PCDHGA5: variants seen among roughly 807,000 people sequenced by gnomAD.
The protein encoded by PCDHGA5 is protocadherin gamma-A5.
Under a neutral mutation model 56.7 loss-of-function variants are expected in PCDHGA5, and 36 were observed. The ratio of observed to expected loss-of-function variants is 0.64; its 90% confidence interval spans 0.49 to 0.84. The LOEUF (loss-of-function observed/expected upper bound fraction) is 0.84, where lower values mean the gene tolerates loss of function less well. PCDHGA5 is among the 40% of genes least tolerant of loss of function. PCDHGA5 has a pLI of 0.00. For missense variants in PCDHGA5, 1,305 were observed against 1,201.5 expected, an observed-to-expected ratio of 1.09 and a Z score of -1.27; for synonymous variants, 563 against 520.2, an observed-to-expected ratio of 1.08 and a Z score of -1.12.
chr5:141,455,936 C>T (rs1194722770), intron 1 of PCDHGA5, among the ~76,000 whole-genome samples: 3 of 151,422 alleles, frequency 2.0e-5, no homozygotes, highest in East Asian at 3.9e-4. Flanking sequence ...CTCGCTCTGT[C>T]GCCCAGGCTG....
At chr5:141,433,363 CTA>C (rs2097590674) in intron 1 of PCDHGA5, 2 of 463,314 alleles carry the variant, frequency 4.3e-6, no homozygotes, top group African/African-American at 5.6e-5. Flanking sequence ...GTCTGCCTAT[CTA>C]TCTATCTATC....
At chr5:141,450,627 C>T (rs947866993) in intron 1 of PCDHGA5, among the ~76,000 whole-genome samples, 13 of 151,592 alleles carry the variant, frequency 8.6e-5, no homozygotes, top group African/African-American at 3.2e-4. Context: ...GCTGGGATTA[C>T]AGATGCCTGC....
In PCDHGA5 at chr5:141,375,395, A is replaced by T. The variant is rs571734136; in HGVS notation, c.2421+8644A>T. 1.2e-6 allele frequency: 2 copies of T among 1,613,932 alleles called. No individual in the cohort carries two copies. The highest frequency in any genetic ancestry group is 2.2e-5 in the South Asian group (2 of 91,080). ...ACCACCTCTGTCTACAGAAACAATC[A>T]TCTCTCTAAATGTGGCAGACACCAA... On this transcript the variant is annotated intron_variant, in intron 1 of 3. Coordinates refer to ENST00000518069, the MANE Select transcript of PCDHGA5 (RefSeq NM_018918.3).
chr5:141,429,572 T>C (rs1450720834), intron 1 of PCDHGA5, among the ~76,000 whole-genome samples: 1 of 152,226 alleles, frequency 6.6e-6, no homozygotes, highest in South Asian at 2.1e-4. Context: ...TTCAGTTACA[T>C]TTACTTTTGA....
At chr5:141,464,156 T>C (rs2099077051) in intron 1 of PCDHGA5, among the ~76,000 whole-genome samples, 2 of 151,752 alleles carry the variant, frequency 1.3e-5, no homozygotes, top group Non-Finnish European at 1.5e-5. Context: ...TCCCAGCTAC[T>C]TGGAAGGCTG....
chr5:141,383,162 G>T (rs1778883191), intron 1 of PCDHGA5: 1 of 1,614,006 alleles, frequency 6.2e-7, no homozygotes, highest in Non-Finnish European at 8.5e-7. Context: ...GTCACTGCGG[G>T]CAGGATAGAC....
In PCDHGA5 at chr5:141,398,897, C is replaced by A. The variant is rs761364649; in HGVS notation, c.2421+32146C>A. On this transcript the variant is annotated intron_variant, in intron 1 of 3. Coordinates refer to ENST00000518069, the MANE Select transcript of PCDHGA5 (RefSeq NM_018918.3). The stretch of plus-strand genomic sequence containing the variant: ...GTCAGCCTTCGGGAAAACGTGCCAC[C>A]AGGCACCACTGTGTTGCAAGTGTCA... 6 of 1,613,932 alleles carry A rather than the reference C, an allele frequency of 3.7e-6. No homozygotes were observed. The South Asian group carries it at 6.6e-5, about 18-fold the overall frequency.
Position 141,365,431 on chromosome 5 carries a change from G to T in PCDHGA5, c.1101G>T (p.Ala367=), listed in dbSNP as rs1297210412. 4.3e-6 allele frequency: 7 copies of T among 1,613,892 alleles called. No individual in the cohort carries two copies. The highest frequency in any genetic ancestry group is 1.3e-5 in the African/African-American group (1 of 74,914). The change falls in exon 1 of 4, where the codon GCG becomes GCT. Residue 367 remains alanine (A), a synonymous_variant. Coordinates refer to ENST00000518069, the MANE Select transcript of PCDHGA5 (RefSeq NM_018918.3). ...ACTGTCTTCCCGGAACTGTAATCGC[G>T]CTGTTTAGCGTACATGATGGTGATT... ...SEDCLPGTVI[A]LFSVHDGDSG...
intron 2 of PCDHGA5, among the ~76,000 whole-genome samples, chr5:141,502,866 C>CTCTTTTTTT (rs1554188502): frequency 7.8e-6 from 1 of 128,046 alleles, no homozygotes; most frequent in African/African-American, 3.1e-5. Context: ...GACTCTCTGT[C>CTCTTTTTTT]TTTTTTTTTT....
At chr5:141,478,838 T>C (rs1439577444) in intron 1 of PCDHGA5, 1 of 1,426,484 alleles carries the variant, frequency 7.0e-7, no homozygotes, top group Non-Finnish European at 9.2e-7. Flanking sequence ...TAAGGGATGG[T>C]TAAGCTAAAA....
At chr5:141,418,848 G>C (rs770294020) in intron 1 of PCDHGA5, 1 of 1,613,836 alleles carries the variant, frequency 6.2e-7, no homozygotes, top group Non-Finnish European at 8.5e-7. Flanking sequence ...CTCTCAACAC[G>C]GTGTAAAGTA....
intron 1 of PCDHGA5, among the ~76,000 whole-genome samples, chr5:141,465,576 C>T (rs1002696285): frequency 6.6e-6 from 1 of 152,136 alleles, no homozygotes; most frequent in Non-Finnish European, 1.5e-5. Context: ...TCTCAAAACA[C>T]TCTCATAATA....
At chr5:141,448,086 TA>T (rs558292628) in intron 1 of PCDHGA5, among the ~76,000 whole-genome samples, 67 of 146,274 alleles carry the variant, frequency 4.6e-4, no homozygotes, top group African/African-American at 8.0e-4. Context: ...AATGCCATCT[TA>T]AAAAAAAAAA....
chr5:141,388,686 GA>G, intron 1 of PCDHGA5: 1 of 1,613,980 alleles, frequency 6.2e-7, no homozygotes, highest in Non-Finnish European at 8.5e-7. Context: ...GACTGCCACG[GA>G]CCAGGATGAG....
In PCDHGA5 at chr5:141,498,823, C is replaced by A. The variant is rs540865523; in HGVS notation, c.2480+3958C>A. ...TGGTGCACACCTGTAGTCCCAGCTA[C>A]TCAGGAGGCTGAGGCAGGGGAATCG... On this transcript the variant is annotated intron_variant, in intron 2 of 3. Coordinates refer to ENST00000518069, the MANE Select transcript of PCDHGA5 (RefSeq NM_018918.3). Among the ~76,000 whole-genome samples the A allele has an allele frequency of 9.2e-5, 14 of 152,166 alleles. No homozygotes were observed. The East Asian group carries it at 1.5e-3, about 17-fold the overall frequency.
In PCDHGA5 at chr5:141,489,739, G is replaced by A; in HGVS notation, c.2422-5068G>A. On this transcript the variant is annotated intron_variant, in intron 1 of 3. Transcript: ENST00000518069. The surrounding 1 kb of genome is among the most constrained non-coding windows in gnomAD (Gnocchi z 4.5). Reference sequence around the variant, plus strand: ...GGATCCGGATGTGGGCACCAATACTGTGAGCTTTTACACTCTAAGCCCCAA... The same window carrying A: ...GGATCCGGATGTGGGCACCAATACTATGAGCTTTTACACTCTAAGCCCCAA... 3 of 1,614,170 alleles carry A rather than the reference G, an allele frequency of 1.9e-6. No homozygotes were observed. The highest frequency in any genetic ancestry group is 2.2e-5 in the South Asian group (2 of 91,076).
chr5:141,486,452 G>T lies in PCDHGA5; in HGVS notation c.2422-8355G>T. 6.2e-7 allele frequency: 1 copy of T among 1,614,152 alleles called. No homozygotes were observed. Among genetic ancestry groups the T allele is most frequent in the Non-Finnish European group, 8.5e-7 (1 of 1,179,996 alleles). Reference sequence around the variant, plus strand: ...ATCTAGCTATGACATCATGGTCACTGCTTCTGATGCTGGGAACCCTCCTCT... The same window carrying T: ...ATCTAGCTATGACATCATGGTCACTTCTTCTGATGCTGGGAACCCTCCTCT... On this transcript the variant is annotated intron_variant, in intron 1 of 3. Coordinates refer to ENST00000518069, the MANE Select transcript of PCDHGA5 (RefSeq NM_018918.3). This position sits in a 1 kb window ranked among gnomAD's most constrained non-coding sequence, Gnocchi z 5.0.
rs2096315825 is a variant in PCDHGA5 at position 141,419,028 on chromosome 5, T to C, written c.2421+52277T>C. On this transcript the variant is annotated intron_variant, in intron 1 of 3. Coordinates refer to ENST00000518069, the MANE Select transcript of PCDHGA5 (RefSeq NM_018918.3). ...GTCAGGTGTAGCTTAAGTAGAGGTG[T>C]TCCATTTAAGATTCATTCTTCTTCT... 5.0e-6 allele frequency: 8 copies of C among 1,613,638 alleles called. No individual in the cohort carries two copies. The South Asian group carries it at 8.8e-5, about 18-fold the overall frequency.
intron 1 of PCDHGA5, chr5:141,475,984 G>T: frequency 1.9e-6 from 2 of 1,069,308 alleles, no homozygotes; most frequent in South Asian, 3.1e-5. Context: ...AACAGCCGGC[G>T]AGCAAATCAA....
Sources: gnomAD v4.1 joint callset for allele counts (sites outside exome capture counted in the v4.1 genomes callset) on GRCh38, gnomAD v4.1.1 for gene constraint, Gnocchi (gnomAD v3.1) non-coding constraint, MANE v1.5 for transcripts, NCBI Gene and HGNC (gene_info 2026-07-23, HGNC 2026-07-21) for gene names.